Variants in MALRD1 observed in about 807,000 individuals in gnomAD.
MALRD1 encodes MAM and LDL receptor class A domain containing 1.
In MALRD1, 247 loss-of-function variants were observed where a neutral mutation model predicts 242.1. The observed-to-expected ratio is 1.02, with a 90% CI of 0.92 to 1.13. The LOEUF (loss-of-function observed/expected upper bound fraction) is 1.13. Ranked by LOEUF, MALRD1 falls within the 50% of genes most tolerant of loss-of-function variation. MALRD1 has a pLI of 0.00. For synonymous variants in MALRD1, 995 were observed against 866.6 expected (o/e 1.15, Z -2.60); for missense variants, 2,989 against 2,533.1 (o/e 1.18, Z -3.86).
intron 36 of MALRD1, among the ~76,000 whole-genome samples, chr10:19,665,147 G>C (rs964286040): frequency 6.6e-6 from 1 of 152,094 alleles, no homozygotes; most frequent in African/African-American, 2.4e-5. Context: ...ATACATGTAG[G>C]AGAGCTCCGT....
rs201797036 is a variant in MALRD1 at position 19,171,654 on chromosome 10, A to G, written c.1831-3554A>G. On this transcript the variant is annotated intron_variant, in intron 13 of 39. Transcript: ENST00000454679. ...TATATAAATACACACACACATATATATGTCTATGTGTGTATATAAATACAC... is the reference window on the plus strand; with the variant it reads ...TATATAAATACACACACACATATATGTGTCTATGTGTGTATATAAATACAC... Among the ~76,000 whole-genome samples the G allele has an allele frequency of 4.6e-3, 575 of 126,070 alleles. 6 individuals carry two copies. The highest frequency in any genetic ancestry group is 7.5e-3 in the Admixed American group (94 of 12,590). The allele number at this position is 126,070 out of a possible 152,430, so 82.7% of individuals were successfully genotyped here. A position where few individuals can be genotyped will look rare whatever the true frequency, so the allele number is the denominator to read the frequency against.
chr10:19,524,017 C>G (rs1833988891), intron 31 of MALRD1, among the ~76,000 whole-genome samples: 1 of 152,136 alleles, frequency 6.6e-6, no homozygotes, highest in African/African-American at 2.4e-5. Context: ...CATTGTATCA[C>G]TCTTTAAAAA....
At chr10:19,103,196 G>A (rs979007633) in intron 4 of MALRD1, among the ~76,000 whole-genome samples, 1 of 152,000 alleles carries the variant, frequency 6.6e-6, no homozygotes, top group Non-Finnish European at 1.5e-5. Flanking sequence ...ATTTCCAGTC[G>A]ATGTTTAGAT....
intron 32 of MALRD1, among the ~76,000 whole-genome samples, chr10:19,538,361 A>G (rs1474310052): frequency 6.6e-6 from 1 of 152,192 alleles, no homozygotes; most frequent in Non-Finnish European, 1.5e-5. Flanking sequence ...GCTAATTTGT[A>G]CTTACTTAAT....
chr10:19,231,771 G>T (rs1428761903), intron 18 of MALRD1, among the ~76,000 whole-genome samples: 1 of 151,988 alleles, frequency 6.6e-6, no homozygotes, highest in Non-Finnish European at 1.5e-5. Flanking sequence ...TTTATTAGCA[G>T]CATGAGAACA....
intron 26 of MALRD1, 35 bp downstream of exon 26, chr10:19,352,332 TG>T: frequency 6.6e-7 from 1 of 1,521,250 alleles, no homozygotes; most frequent in South Asian, 1.2e-5. Flanking sequence ...GTGGTATTTT[TG>T]CATGGTGAAA....
chr10:19,327,853 G>A (rs376632171), intron 23 of MALRD1, among the ~76,000 whole-genome samples, 180 bp downstream of exon 23: 10 of 152,190 alleles, frequency 6.6e-5, no homozygotes, highest in African/African-American at 2.2e-4. Context: ...GACAACTTCA[G>A]AATGCTCTAA....
chr10:19,653,863 A>G (rs1183025111), intron 36 of MALRD1, among the ~76,000 whole-genome samples: 4 of 152,166 alleles, frequency 2.6e-5, no homozygotes, highest in Non-Finnish European at 5.9e-5. Flanking sequence ...TTTTGAGACT[A>G]TGATGGAGAG....
At chr10:19,327,424 A>C in intron 22 of MALRD1, 139 bp from the exon 23 acceptor site, 1 of 601,942 alleles carries the variant, frequency 1.7e-6, no homozygotes, top group South Asian at 2.3e-5. Flanking sequence ...TATCTAATAA[A>C]AAATATCTTA....
chr10:19,235,613 A>AGAGAGAGAGAGAGAGAGAGAGC (rs769851042), intron 18 of MALRD1, among the ~76,000 whole-genome samples: 5 of 143,740 alleles, frequency 3.5e-5, no homozygotes, highest in African/African-American at 1.3e-4. Flanking sequence ...AGAGAGAGAG[A>AGAGAGAGAGAGAGAGAGAGAGC]GCGCCTAGGT....
intron 38 of MALRD1, among the ~76,000 whole-genome samples, chr10:19,719,244 A>ATACG (rs1834622659): frequency 3.1e-5 from 3 of 96,936 alleles, no homozygotes; most frequent in Non-Finnish European, 5.8e-5. Context: ...ATATATATAT[A>ATACG]TATATATATA....
rs977821377 is a variant in MALRD1, at chr10:19,392,146, T to C, written c.4845+2537T>C. On this transcript the variant is annotated intron_variant, in intron 28 of 39. Coordinates refer to ENST00000454679, the MANE Select transcript of MALRD1 (RefSeq NM_001142308.3). ...CAACAATGCATCCATAAATATGTCA[T>C]TTATAGAACACCATCACTTATATTA... 2.3e-4 allele frequency among the ~76,000 whole-genome samples: 35 copies of C among 152,188 alleles called. 1 individual carries two copies. The highest frequency in any genetic ancestry group is 7.4e-5 in the Non-Finnish European group (5 of 68,016).
chr10:19,212,065 T>G (rs1588704286), intron 18 of MALRD1, among the ~76,000 whole-genome samples: 1 of 152,314 alleles, frequency 6.6e-6, no homozygotes, highest in African/African-American at 2.4e-5. Flanking sequence ...GCTCAGGAAA[T>G]CATTACACAT....
chr10:19,219,303 C>T (rs1588714728), intron 18 of MALRD1, among the ~76,000 whole-genome samples: 1 of 152,210 alleles, frequency 6.6e-6, no homozygotes, highest in East Asian at 1.9e-4. Context: ...ACATACTATA[C>T]TAATGCAATA....
chr10:19,222,658 C>T (rs1258785256), intron 18 of MALRD1, among the ~76,000 whole-genome samples: 1 of 152,064 alleles, frequency 6.6e-6, no homozygotes, highest in Admixed American at 6.6e-5. Flanking sequence ...CTAATGTGTC[C>T]TTGACTCTCT....
At chr10:19,193,335 C>T (rs554765928) in intron 14 of MALRD1, among the ~76,000 whole-genome samples, 4 of 152,080 alleles carry the variant, frequency 2.6e-5, no homozygotes, top group Admixed American at 6.6e-5. Flanking sequence ...GCAGGAGGAT[C>T]GCTTAAGCCC....
At chr10:19,058,422 A>C (rs957980002) in intron 1 of MALRD1, among the ~76,000 whole-genome samples, 2 of 152,228 alleles carry the variant, frequency 1.3e-5, no homozygotes, top group Non-Finnish European at 2.9e-5. Context: ...CAGAAAAGTC[A>C]AGGAAAGTTT....
intron 29 of MALRD1, among the ~76,000 whole-genome samples, chr10:19,458,231 A>T (rs1182291577): frequency 6.6e-6 from 1 of 152,158 alleles, no homozygotes; most frequent in Non-Finnish European, 1.5e-5. Context: ...TCAAATGACA[A>T]AATAGGCTTA....
At chr10:19,127,591 TTTATAAATCTG>T (rs1180188447) in intron 7 of MALRD1, among the ~76,000 whole-genome samples, 1 of 152,150 alleles carries the variant, frequency 6.6e-6, no homozygotes. Flanking sequence ...TAGAAATCTC[TTTATAAATCTG>T]TGTTGTCATT....
Sources: allele counts gnomAD v4.1 joint callset (sites outside exome capture counted in the v4.1 genomes callset), GRCh38; gene constraint gnomAD v4.1.1; transcripts MANE v1.5; gene names NCBI Gene and HGNC (gene_info 2026-07-23, HGNC 2026-07-21).